The following MTUS2 variants were observed in gnomAD, a reference collection of about 807,000 sequenced individuals.
MTUS2 encodes microtubule associated scaffold protein 2.
Under a neutral mutation model 114.1 loss-of-function variants are expected in MTUS2, and 40 were observed. The ratio of observed to expected loss-of-function variants is 0.35; its 90% CI spans 0.27 to 0.46. The LOEUF (loss-of-function observed/expected upper bound fraction) is 0.46, where lower values mean the gene tolerates loss of function less well. MTUS2 is among the 20% of genes least tolerant of loss of function. MTUS2 has a pLI of 1.00. For synonymous variants in MTUS2, 688 were observed against 672.0 expected, an observed-to-expected ratio of 1.02 and a Z score of -0.37; for missense variants, 1,679 against 1,705.4, an observed-to-expected ratio of 0.98 and a Z score of 0.27.
chr13:29,068,851 G>A (rs555108434), intron 4 of MTUS2, among the ~76,000 whole-genome samples: 10 of 152,334 alleles, frequency 6.6e-5, no homozygotes, highest in African/African-American at 2.2e-4. Flanking sequence ...AGCTGCTGAG[G>A]AGTTTGCCTT....
chr13:28,924,001 CT>C (rs1881191545), intron 2 of MTUS2, among the ~76,000 whole-genome samples: 1 of 152,134 alleles, frequency 6.6e-6, no homozygotes, highest in Non-Finnish European at 1.5e-5. Flanking sequence ...AGTGATTCCC[CT>C]AGTCACTTAT....
At chr13:29,154,970 G>T (rs1187641164) in intron 5 of MTUS2, among the ~76,000 whole-genome samples, 2 of 152,190 alleles carry the variant, frequency 1.3e-5, no homozygotes, top group African/African-American at 4.8e-5. Flanking sequence ...GGAAAAGAAG[G>T]TAAGTTTAAC....
intron 5 of MTUS2, among the ~76,000 whole-genome samples, chr13:29,141,315 G>A (rs1892209732): frequency 6.6e-6 from 1 of 152,164 alleles, no homozygotes; most frequent in Non-Finnish European, 1.5e-5. Context: ...GCACAAGAGA[G>A]GAGTGTCTTA....
chr13:29,077,820 G>A (rs1889263363), intron 4 of MTUS2, among the ~76,000 whole-genome samples: 1 of 152,158 alleles, frequency 6.6e-6, no homozygotes, highest in Non-Finnish European at 1.5e-5. Context: ...AATGTTGGAT[G>A]GATCTTTATC....
chr13:28,843,266 A>AT lies in MTUS2; in HGVS notation c.-243+3426dup, dbSNP rs375072140. Among the ~76,000 whole-genome samples the AT allele has an allele frequency of 6.9e-4, 103 of 149,994 alleles. No individual in the cohort carries two copies. In the South Asian group the frequency reaches 0.01, roughly 15 times the overall value. On this transcript the variant is annotated intron_variant, in intron 2 of 15. Coordinates refer to ENST00000612955, the MANE Select transcript of MTUS2 (RefSeq NM_001033602.4). ...GAGACCTGAGAGATTCCTGAAGGTTATTTTTTTTTTCTACATGTGATTCAG... is the reference window on the plus strand; with the variant it reads ...GAGACCTGAGAGATTCCTGAAGGTTATTTTTTTTTTTCTACATGTGATTCAG...
chr13:29,475,100 A>G (rs1880596799), intron 9 of MTUS2, among the ~76,000 whole-genome samples: 1 of 152,212 alleles, frequency 6.6e-6, no homozygotes, highest in Admixed American at 6.5e-5. Flanking sequence ...CCTAGGTTCC[A>G]TGTACAGCCA....
chr13:29,194,452 C>T (rs1447348777), intron 5 of MTUS2, among the ~76,000 whole-genome samples: 1 of 151,946 alleles, frequency 6.6e-6, no homozygotes, highest in African/African-American at 2.4e-5. Context: ...ACAGACACTT[C>T]TCAAAAGAAG....
intron 5 of MTUS2, among the ~76,000 whole-genome samples, chr13:29,277,434 ATAGT>A (rs1382479232): frequency 2.6e-5 from 4 of 152,224 alleles, no homozygotes; most frequent in Non-Finnish European, 4.4e-5. Context: ...AGGGCCAAAG[ATAGT>A]TAGGACAATT....
chr13:29,083,278 A>C (rs1429831317), intron 4 of MTUS2, among the ~76,000 whole-genome samples: 1 of 152,148 alleles, frequency 6.6e-6, no homozygotes, highest in Non-Finnish European at 1.5e-5. Flanking sequence ...GAGTGTGTCG[A>C]ATGTCGAATG....
intron 2 of MTUS2, among the ~76,000 whole-genome samples, chr13:28,890,997 C>G (rs932861424): frequency 3.3e-5 from 5 of 152,170 alleles, no homozygotes; most frequent in African/African-American, 1.2e-4. Flanking sequence ...TTGAAGAAAG[C>G]TGTCATGTTT....
intron 6 of MTUS2, among the ~76,000 whole-genome samples, chr13:29,295,831 A>G (rs1898916563): frequency 6.6e-6 from 1 of 152,234 alleles, no homozygotes; most frequent in South Asian, 2.1e-4. Flanking sequence ...GAGTGTGTGC[A>G]GCGGAACTGC....
At position 29,395,245 on chromosome 13, in the gene MTUS2, AGGGTATAAT is replaced by A. The variant is rs1284154350; in HGVS notation, c.3117+35777_3117+35785del. ...GTTGTGCCTGAGTTCTGAAGGCTTG[AGGGTATAAT>A]GGGTCATGTCTGACCACCTTGTTCA... On this transcript the variant is annotated intron_variant, in intron 8 of 15. Transcript: ENST00000612955. Among the ~76,000 whole-genome samples the A allele has an allele frequency of 5.9e-5, 9 of 152,280 alleles. No individual in the cohort carries two copies. In the East Asian group the frequency reaches 1.7e-3, roughly 29 times the overall value.
chr13:29,383,178 A>G (rs1421735009), intron 8 of MTUS2, among the ~76,000 whole-genome samples: 1 of 150,584 alleles, frequency 6.6e-6, no homozygotes, highest in African/African-American at 2.5e-5. Context: ...TACAAGTCAT[A>G]GCAAATGGCA....
intron 2 of MTUS2, among the ~76,000 whole-genome samples, chr13:28,938,199 A>G (rs1882017554): frequency 6.6e-6 from 1 of 152,136 alleles, no homozygotes; most frequent in African/African-American, 2.4e-5. Context: ...CCTGGTCAAC[A>G]TGGTGAAACC....
rs1486424641 is a variant in MTUS2 at position 29,025,402 on chromosome 13, C to A, written c.704C>A (p.Thr235Asn). ...GCAGCTTTCCCTGCAACTGACAGTA[C>A]CTCAGAGGGAAAGAGTGTGCGTCAT... ...VPAAFPATDS[T>N]SEGKSVRHPK... Residue 235 changes from threonine (T) to asparagine (N), a missense_variant, in exon 3 of 16, where the codon ACC becomes AAC. Transcript: ENST00000612955. The A allele has an allele frequency of 2.5e-6, 4 of 1,613,738 alleles. No individual in the cohort carries two copies. In the South Asian group the frequency reaches 4.4e-5, roughly 18 times the overall value.
chr13:29,108,047 G>T (rs1187978320), intron 5 of MTUS2, among the ~76,000 whole-genome samples: 2 of 152,168 alleles, frequency 1.3e-5, no homozygotes, highest in African/African-American at 4.8e-5. Flanking sequence ...TTACACTGAT[G>T]AATACTATAA....
intron 5 of MTUS2, among the ~76,000 whole-genome samples, chr13:29,205,306 T>C (rs573691387): frequency 6.6e-6 from 1 of 152,222 alleles, no homozygotes; most frequent in African/African-American, 2.4e-5. Context: ...ACAGGCAATG[T>C]TGATTTTATG....
At chr13:29,347,307 C>A (rs984161019) in intron 7 of MTUS2, among the ~76,000 whole-genome samples, 9 of 152,220 alleles carry the variant, frequency 5.9e-5, no homozygotes, top group Non-Finnish European at 8.8e-5. Flanking sequence ...ACATAAATTT[C>A]TCTGTATATG....
intron 4 of MTUS2, among the ~76,000 whole-genome samples, chr13:29,038,914 C>T (rs1437237570): frequency 1.3e-5 from 2 of 152,214 alleles, no homozygotes; most frequent in Admixed American, 6.5e-5. Flanking sequence ...AGGCTGCGGG[C>T]GGGCCTGGGG....
Sources: gnomAD v4.1 joint callset for allele counts (sites outside exome capture counted in the v4.1 genomes callset) on GRCh38, gnomAD v4.1.1 for gene constraint, MANE v1.5 for transcripts, NCBI Gene and HGNC (gene_info 2026-07-23, HGNC 2026-07-21) for gene names.